NHS: variants seen among roughly 807,000 people sequenced by gnomAD.
NHS encodes NHS actin remodeling regulator.
Under a neutral mutation model 72.5 loss-of-function variants are expected in NHS, and 5 were observed. That is an observed-to-expected ratio of 0.07 (90% confidence interval 0.04 to 0.14). NHS has a LOEUF of 0.14. Ranked by LOEUF, NHS falls within the 10% of genes least tolerant of loss-of-function variation. The pLI is 1.00. For missense variants in NHS, 1,072 were observed against 1,355.7 expected (o/e 0.79, Z 3.29); for synonymous variants, 464 against 547.7 (o/e 0.85, Z 2.13).
At chrX:17,684,595 T>C (rs896621715) in intron 1 of NHS, among the ~76,000 whole-genome samples, 3 of 112,165 alleles carry the variant, frequency 2.7e-5, no homozygotes, top group African/African-American at 9.7e-5. Flanking sequence ...AACACGACAG[T>C]TTGCTTCTTC....
intron 1 of NHS, among the ~76,000 whole-genome samples, chrX:17,392,666 C>G (rs2064451186): frequency 8.9e-6 from 1 of 112,206 alleles, no homozygotes; most frequent in South Asian, 3.7e-4. Flanking sequence ...CTCCCTTTCT[C>G]TCTCTCTTCA....
chrX:17,516,571 G>GCACA (rs765423925), intron 1 of NHS, among the ~76,000 whole-genome samples: 1,493 of 91,742 alleles, frequency 0.016, 11 homozygotes, highest in South Asian at 0.025. Context: ...ACACACACGC[G>GCACA]CACACACACA....
intron 1 of NHS, among the ~76,000 whole-genome samples, chrX:17,611,976 T>G (rs1250256587): frequency 5.4e-5 from 6 of 110,966 alleles, no homozygotes; most frequent in Admixed American, 9.6e-5. Context: ...GTTAATGAGA[T>G]TCAATAGTAA....
rs375621618 is a variant in NHS, at chrX:17,569,307, C to T, written c.566-118435C>T. 2.1e-4 allele frequency among the ~76,000 whole-genome samples: 23 copies of T among 109,954 alleles called. No individual in the cohort carries two copies. The South Asian group carries it at 8.7e-3, about 42-fold the overall frequency. The stretch of plus-strand genomic sequence containing the variant: ...ACAGTGTAAAAGTGTTCCTATTTCT[C>T]CACATCCTCTCCAGCACCTGTTGTT... On this transcript the variant is annotated intron_variant, in intron 1 of 8. Transcript: ENST00000676302.
chrX:17,408,287 T>C (rs2064539164), intron 1 of NHS, among the ~76,000 whole-genome samples: 1 of 111,871 alleles, frequency 8.9e-6, no homozygotes, highest in Non-Finnish European at 1.9e-5. Flanking sequence ...GTTACAGGCA[T>C]GAGCCACTGT....
At chrX:17,515,685 A>G (rs1569270835) in intron 1 of NHS, among the ~76,000 whole-genome samples, 2 of 112,423 alleles carry the variant, frequency 1.8e-5, no homozygotes, top group Non-Finnish European at 3.8e-5. Context: ...CTTAACATCT[A>G]TTGAGCACTC....
At chrX:17,505,641 T>C (rs1396252170) in intron 1 of NHS, among the ~76,000 whole-genome samples, 2 of 110,036 alleles carry the variant, frequency 1.8e-5, no homozygotes, top group East Asian at 2.9e-4. Flanking sequence ...TTTTTTTTTT[T>C]CCATATGAGG....
chrX:17,597,881 A>C (rs1354671223), intron 1 of NHS, among the ~76,000 whole-genome samples: 1 of 111,356 alleles, frequency 9.0e-6, no homozygotes, highest in Non-Finnish European at 1.9e-5. Flanking sequence ...ATGTTCAGTG[A>C]AGAACAAACC....
At chrX:17,554,196 G>A (rs1413295428) in intron 1 of NHS, among the ~76,000 whole-genome samples, 1 of 112,021 alleles carries the variant, frequency 8.9e-6, no homozygotes, top group African/African-American at 3.2e-5. Context: ...GAGATGTTTT[G>A]GATTCAAGGA....
chrX:17,624,148 C>T (rs2065786979), intron 1 of NHS, among the ~76,000 whole-genome samples: 1 of 112,403 alleles, frequency 8.9e-6, no homozygotes, highest in African/African-American at 3.2e-5. Context: ...CAGGACAGCT[C>T]CCCGCAAGCT....
chrX:17,662,749 T>A (rs1236270229), intron 1 of NHS, among the ~76,000 whole-genome samples: 1 of 112,070 alleles, frequency 8.9e-6, no homozygotes, highest in African/African-American at 3.2e-5. Context: ...CAGGGTTTTA[T>A]GAATGAAAAG....
intron 1 of NHS, among the ~76,000 whole-genome samples, chrX:17,683,867 A>C (rs935805556): frequency 7.9e-4 from 89 of 112,002 alleles, no homozygotes; most frequent in African/African-American, 2.9e-3. Flanking sequence ...CTAGAGAAGT[A>C]GATAAAGTAG....
At chrX:17,381,558 T>G (rs760500331) in intron 1 of NHS, among the ~76,000 whole-genome samples, 201 of 112,590 alleles carry the variant, frequency 1.8e-3, no homozygotes, top group Non-Finnish European at 3.0e-3. Flanking sequence ...CATATATACT[T>G]CTTTCTAGCA....
chrX:17,501,135 T>C (rs963396360), intron 1 of NHS, among the ~76,000 whole-genome samples: 2 of 109,983 alleles, frequency 1.8e-5, no homozygotes, highest in Non-Finnish European at 3.8e-5. Context: ...TTTAGGAGAT[T>C]GAGGAGGGAG....
chrX:17,685,029 A>G (rs1158317285), intron 1 of NHS, among the ~76,000 whole-genome samples: 1 of 112,294 alleles, frequency 8.9e-6, no homozygotes, highest in African/African-American at 3.2e-5. Context: ...CAGCCTTACA[A>G]TGGCAGTGGA....
intron 1 of NHS, among the ~76,000 whole-genome samples, chrX:17,637,639 C>T (rs1402719657): frequency 1.8e-5 from 2 of 111,701 alleles, no homozygotes; most frequent in African/African-American, 3.3e-5. Context: ...TTTACCTTAA[C>T]GCAAATTTTA....
intron 1 of NHS, among the ~76,000 whole-genome samples, chrX:17,452,468 C>T (rs1388930090): frequency 9.1e-6 from 1 of 109,536 alleles, no homozygotes; most frequent in Non-Finnish European, 1.9e-5. Context: ...CTCCACCATT[C>T]CCTGGGCTCA....
chrX:17,483,170 A>G (rs191422578), intron 1 of NHS, among the ~76,000 whole-genome samples: 1 of 112,550 alleles, frequency 8.9e-6, no homozygotes, highest in African/African-American at 3.2e-5. Context: ...CCCTTCTCAG[A>G]ATAATGTTTC....
At chrX:17,458,908 A>G (rs2064836245) in intron 1 of NHS, among the ~76,000 whole-genome samples, 1 of 112,451 alleles carries the variant, frequency 8.9e-6, no homozygotes, top group African/African-American at 3.2e-5. Context: ...TCCATGGACC[A>G]GAAGCATTAG....
Sources: gnomAD v4.1 joint callset for allele counts (sites outside exome capture counted in the v4.1 genomes callset) on GRCh38, gnomAD v4.1.1 for gene constraint, MANE v1.5 for transcripts, NCBI Gene and HGNC (gene_info 2026-07-23, HGNC 2026-07-21) for gene names.